GFM2: variants seen among roughly 807,000 people sequenced by gnomAD.
The protein encoded by GFM2 is ribosome-releasing factor 2, mitochondrial.
Under a neutral mutation model 95.4 loss-of-function variants are expected in GFM2, and 72 were observed. The observed-to-expected ratio is 0.76, with a 90% CI of 0.62 to 0.92. The LOEUF (loss-of-function observed/expected upper bound fraction) is 0.92. Among genes scored for constraint, GFM2 ranks in the 40% least tolerant of loss-of-function variants. The probability of loss-of-function intolerance (pLI) is 0.00; values close to 1 mark genes in which losing one functional copy is unlikely to be tolerated. For missense variants in GFM2, 825 were observed against 924.1 expected, an observed-to-expected ratio of 0.89 and a Z score of 1.39; for synonymous variants, 276 against 317.5, an observed-to-expected ratio of 0.87 and a Z score of 1.39.
intron 11 of GFM2, among the ~76,000 whole-genome samples, chr5:74,740,539 A>T (rs1158860036): frequency 1.3e-5 from 2 of 152,182 alleles, no homozygotes; most frequent in African/African-American, 4.8e-5. Context: ...TTAAATCCAT[A>T]TTAAACAAAA....
Position 74,738,489 on chromosome 5 carries a change from A to G in GFM2, c.1220+13T>C, listed in dbSNP as rs772506292. The stretch of plus-strand genomic sequence containing the variant: ...GCATACAGTTTTATAAAATAATCTA[A>G]GCTTCTACTTACGTGCAGTTTCCAT... On this transcript the variant is annotated intron_variant, in intron 13 of 20. Coordinates refer to ENST00000296805, the MANE Select transcript of GFM2 (RefSeq NM_032380.5). 1 of 1,611,196 alleles carries G rather than the reference A, an allele frequency of 6.2e-7. No homozygotes were observed. Among genetic ancestry groups the G allele is most frequent in the South Asian group, 1.1e-5 (1 of 90,490 alleles).
Position 74,745,758 on chromosome 5 carries a change from C to CA in GFM2, c.768dup (p.Glu257Ter), listed in dbSNP as rs1171003940. On this transcript the variant is annotated frameshift_variant, in exon 10 of 21. Coordinates refer to ENST00000296805, the MANE Select transcript of GFM2 (RefSeq NM_032380.5). LOFTEE classifies it high-confidence loss of function. ...TTCATTTCCAAGAGGGGCTTTCTCT[C>CA]AAAGTCTTTTCCATCATTTGAATTG... 2 of 1,613,764 alleles carry CA rather than the reference C, an allele frequency of 1.2e-6. No homozygotes were observed. Among genetic ancestry groups the CA allele is most frequent in the African/African-American group, 2.7e-5 (2 of 74,916 alleles).
At chr5:74,739,810 T>TA (rs576789809) in intron 12 of GFM2, among the ~76,000 whole-genome samples, 179 bp downstream of exon 12, 20 of 152,156 alleles carry the variant, frequency 1.3e-4, no homozygotes, top group Non-Finnish European at 2.5e-4. Context: ...CATCTCTTTT[T>TA]ACAAGAGATG....
chr5:74,732,278 C>A (rs1742613788), intron 16 of GFM2, among the ~76,000 whole-genome samples: 1 of 151,578 alleles, frequency 6.6e-6, no homozygotes, highest in Non-Finnish European at 1.5e-5. Context: ...TAAAACATTT[C>A]TGTTTTAATT....
rs1579959194 is a variant in GFM2 at position 74,721,509 on chromosome 5, C to G, written c.*146G>C. On this transcript the variant is annotated 3_prime_UTR_variant, in exon 21 of 21. Coordinates refer to ENST00000296805, the MANE Select transcript of GFM2 (RefSeq NM_032380.5). ...AAACGGGTGGCTCCAGTGCCACTAT[C>G]AAAGCTTAAGTTATATCTTTTATCT... The G allele has an allele frequency of 1.0e-6, 1 of 961,218 alleles. No homozygotes were observed. The highest frequency in any genetic ancestry group is 1.6e-6 in the Non-Finnish European group (1 of 620,516). 59.5% of individuals were successfully genotyped at this position (961,218 alleles called of 1,614,324 possible).
chr5:74,741,368 AT>A (rs1743096255), intron 11 of GFM2, among the ~76,000 whole-genome samples, 160 bp downstream of exon 11: 1 of 152,120 alleles, frequency 6.6e-6, no homozygotes, highest in South Asian at 2.1e-4. Flanking sequence ...TAAGTATTGT[AT>A]TAGTAGTGAC....
chr5:74,734,202 T>A (rs2112245952), intron 15 of GFM2, among the ~76,000 whole-genome samples: 1 of 152,168 alleles, frequency 6.6e-6, no homozygotes, highest in South Asian at 2.1e-4. Context: ...AACACCAGGT[T>A]TCTGAGACTT....
chr5:74,721,845 CTGAT>C, intron 20 of GFM2, 62 bp from the exon 21 acceptor site: 1 of 1,488,294 alleles, frequency 6.7e-7, no homozygotes, highest in South Asian at 1.2e-5. Context: ...TCTCTTCCTG[CTGAT>C]TATCTTTTGA....
intron 5 of GFM2, among the ~76,000 whole-genome samples, chr5:74,751,977 T>C (rs1489688564): frequency 6.6e-6 from 1 of 152,140 alleles, no homozygotes; most frequent in Non-Finnish European, 1.5e-5. Flanking sequence ...GGGTTGTTAT[T>C]ATAAGGATGA....
intron 17 of GFM2, among the ~76,000 whole-genome samples, chr5:74,726,586 A>C (rs1048684846): frequency 6.6e-6 from 1 of 152,200 alleles, no homozygotes; most frequent in African/African-American, 2.4e-5. Context: ...GCAATATTTT[A>C]TGCACTTACT....
intron 5 of GFM2, among the ~76,000 whole-genome samples, chr5:74,756,188 T>C (rs868558140): frequency 3.9e-5 from 6 of 152,118 alleles, no homozygotes; most frequent in Admixed American, 6.5e-5. Context: ...CTCCTCAAAA[T>C]TGGCATAGAA....
chr5:74,754,202 T>C (rs529814164), intron 5 of GFM2, among the ~76,000 whole-genome samples: 1 of 151,088 alleles, frequency 6.6e-6, no homozygotes, highest in Admixed American at 6.6e-5. Context: ...CTACAAGAAC[T>C]ACTAAAAGCA....
chr5:74,737,113 A>G, intron 14 of GFM2, 128 bp from the exon 15 acceptor site: 2 of 835,990 alleles, frequency 2.4e-6, no homozygotes, highest in Non-Finnish European at 3.7e-6. Context: ...AAGAGAAATA[A>G]AATTCAAAAA....
At chr5:74,723,987 A>G (rs995150149) in intron 19 of GFM2, among the ~76,000 whole-genome samples, 70 of 152,178 alleles carry the variant, frequency 4.6e-4, no homozygotes, top group African/African-American at 1.7e-3. Context: ...CTATAAGCAC[A>G]ACACAGATGA....
intron 19 of GFM2, 47 bp from the exon 20 acceptor site, chr5:74,722,608 TAAAATA>T (rs1321265671): frequency 6.8e-7 from 1 of 1,471,896 alleles, no homozygotes; most frequent in East Asian, 2.3e-5. Context: ...AATAAAAACT[TAAAATA>T]AATACAGCCT....
intron 14 of GFM2, among the ~76,000 whole-genome samples, chr5:74,737,189 G>C (rs1193106183): frequency 6.6e-6 from 1 of 152,110 alleles, no homozygotes; most frequent in Non-Finnish European, 1.5e-5. Context: ...CCAAAATACT[G>C]TTGTAATAAA....
chr5:74,761,062 G>A (rs1317724016), intron 2 of GFM2, 76 bp from the exon 3 acceptor site: 6 of 806,620 alleles, frequency 7.4e-6, no homozygotes, highest in Middle Eastern at 2.8e-4. Context: ...TTGTAATTAC[G>A]CTTTGTCAGA....
At chr5:74,765,163 C>G (rs1007987196) in intron 1 of GFM2, 2 of 1,089,144 alleles carry the variant, frequency 1.8e-6, no homozygotes, top group Non-Finnish European at 2.3e-6. Context: ...CTGTAATAGA[C>G]ATTTTCCTCT....
intron 2 of GFM2, among the ~76,000 whole-genome samples, chr5:74,762,749 G>A (rs1744347090): frequency 6.6e-6 from 1 of 152,164 alleles, no homozygotes; most frequent in Admixed American, 6.5e-5. Context: ...CTGACTCATG[G>A]GTGGGGAGTG....
Sources: gnomAD v4.1 joint callset for allele counts (sites outside exome capture counted in the v4.1 genomes callset) on GRCh38, gnomAD v4.1.1 for gene constraint, MANE v1.5 for transcripts, NCBI Gene and HGNC (gene_info 2026-07-23, HGNC 2026-07-21) for gene names.